Variants in CLTC observed in about 807,000 individuals in gnomAD.
The protein encoded by CLTC is clathrin heavy chain 1.
Under a neutral mutation model 195.8 loss-of-function variants are expected in CLTC, and 16 were observed. That is an observed-to-expected ratio of 0.08 (90% confidence interval 0.06 to 0.12). The LOEUF is 0.12. Among genes scored for constraint, CLTC ranks in the 10% least tolerant of loss-of-function variants. The pLI is 1.00. For synonymous variants in CLTC, 667 were observed against 689.4 expected, an observed-to-expected ratio of 0.97 and a Z score of 0.51; for missense variants, 796 against 2,027.0, an observed-to-expected ratio of 0.39 and a Z score of 11.66.
At chr17:59,632,853 C>A (rs1046835773) in intron 1 of CLTC, among the ~76,000 whole-genome samples, 12 of 152,092 alleles carry the variant, frequency 7.9e-5, no homozygotes, top group African/African-American at 2.9e-4. Flanking sequence ...AGCCTAAAAC[C>A]TGTTTTTTCT....
chr17:59,696,738 C>T lies in CLTC; in HGVS notation c.*2886C>T. 1 of 207,168 alleles carries T rather than the reference C, an allele frequency of 4.8e-6. No homozygotes were observed. The highest frequency in any genetic ancestry group is 9.9e-6 in the Non-Finnish European group (1 of 101,490). The allele number at this position is 207,168 out of a possible 1,614,324, so 12.8% of individuals were successfully genotyped here. On this transcript the variant is annotated 3_prime_UTR_variant, in exon 32 of 32. Coordinates refer to ENST00000269122, the MANE Select transcript of CLTC (RefSeq NM_004859.4). ...GGGATGACAAACTACGTTCACTTTA[C>T]AGTTACCATAAATTCTTACTTGGGC...
At chr17:59,667,966 G>A (rs1160669477) in intron 13 of CLTC, among the ~76,000 whole-genome samples, 3 of 152,096 alleles carry the variant, frequency 2.0e-5, no homozygotes, top group Admixed American at 6.6e-5. Flanking sequence ...TGTTAACTGT[G>A]CACTAAATTT....
intron 1 of CLTC, among the ~76,000 whole-genome samples, chr17:59,632,965 T>A (rs1274174303): frequency 6.6e-6 from 1 of 152,098 alleles, no homozygotes; most frequent in Non-Finnish European, 1.5e-5. Flanking sequence ...AAATATTGAG[T>A]TTGTGTTAAG....
Position 59,681,204 on chromosome 17 carries a change from G to A in CLTC, c.3066-91G>A, listed in dbSNP as rs774682082. On this transcript the variant is annotated intron_variant, in intron 19 of 31. Coordinates refer to ENST00000269122, the MANE Select transcript of CLTC (RefSeq NM_004859.4). This position sits in a 1 kb window ranked among gnomAD's most constrained non-coding sequence, Gnocchi z 5.0. ...TCCTCCCCCCTACCCTACCTCTTGA[G>A]ACAAAAACCTCTCCGTTAGTCACAG... 1.5e-5 allele frequency: 22 copies of A among 1,468,906 alleles called. No homozygotes were observed. The highest frequency in any genetic ancestry group is 1.9e-5 in the Non-Finnish European group (21 of 1,083,240). The allele number at this position is 1,468,906 out of a possible 1,614,324, so 91.0% of individuals were successfully genotyped here.
chr17:59,641,290 A>G (rs1002051091), intron 1 of CLTC, among the ~76,000 whole-genome samples: 1 of 152,000 alleles, frequency 6.6e-6, no homozygotes, highest in Admixed American at 6.6e-5. Context: ...GGAGAGAGGA[A>G]AAGAAGGAAT....
chr17:59,646,596 A>G (rs2032200996), intron 2 of CLTC, among the ~76,000 whole-genome samples: 1 of 152,182 alleles, frequency 6.6e-6, no homozygotes, highest in Non-Finnish European at 1.5e-5. Context: ...TTTGGCCTCT[A>G]TTAATTTATA....
In CLTC at chr17:59,634,920, G is replaced by A. The variant is rs116696717; in HGVS notation, c.43-9356G>A. ...ACTGCTGTCAGCATCTTTTTTCACC[G>A]CGACTGATACTAGAGAAGGTAGAGG... On this transcript the variant is annotated intron_variant, in intron 1 of 31. Coordinates refer to ENST00000269122, the MANE Select transcript of CLTC (RefSeq NM_004859.4). 1.2e-3 allele frequency among the ~76,000 whole-genome samples: 176 copies of A among 152,278 alleles called. 2 individuals carry two copies. Among genetic ancestry groups the A allele is most frequent in the Middle Eastern group, 6.8e-3 (2 of 294 alleles).
rs747671478 is a variant in CLTC, at chr17:59,679,449, G to A, written c.2849G>A (p.Arg950Gln). 1 of 1,609,458 alleles carries A rather than the reference G, an allele frequency of 6.2e-7. No homozygotes were observed. Residue 950 changes from arginine to glutamine, a missense_variant, in exon 18 of 32, where the codon CGA (arginine) becomes CAA (glutamine). Transcript: ENST00000269122. ...AGTCTTTCTCGCTACCTGGTACGTC[G>A]AAAGGATCCAGAATTGTGGGGCAGC... ...FKSLSRYLVRRKDPELWGSVL... is the reference protein window; with the variant it reads ...FKSLSRYLVRQKDPELWGSVL...
chr17:59,695,801 C>G lies in CLTC; in HGVS notation c.*1949C>G. 1 of 192,374 alleles carries G rather than the reference C, an allele frequency of 5.2e-6. No individual in the cohort carries two copies. Among genetic ancestry groups the G allele is most frequent in the Non-Finnish European group, 1.1e-5 (1 of 92,324 alleles). 11.9% of individuals were successfully genotyped at this position (192,374 alleles called of 1,614,324 possible). A position where few individuals can be genotyped will look rare whatever the true frequency, so the allele number is the denominator to read the frequency against. On this transcript the variant is annotated 3_prime_UTR_variant, in exon 32 of 32. Coordinates refer to ENST00000269122, the MANE Select transcript of CLTC (RefSeq NM_004859.4). Reference sequence around the variant, plus strand: ...GTGCCATCAGTTTTCCCCACCACTGCTTTTGCACCCTCAGTGCAAATATCA... The same window carrying G: ...GTGCCATCAGTTTTCCCCACCACTGGTTTTGCACCCTCAGTGCAAATATCA...
intron 30 of CLTC, 39 bp from the exon 31 acceptor site, chr17:59,690,597 C>T (rs1484889293): frequency 6.9e-7 from 1 of 1,455,074 alleles, no homozygotes. Flanking sequence ...GTTTATAATA[C>T]TTTTGGGGTG....
Position 59,695,735 on chromosome 17 carries a change from A to G in CLTC, c.*1883A>G, listed in dbSNP as rs73333004. 3,193 of 193,270 alleles carry G rather than the reference A, an allele frequency of 0.017. 98 individuals carry two copies. The highest frequency in any genetic ancestry group is 0.069 in the African/African-American group (2,966 of 43,210). 12.0% of individuals were successfully genotyped at this position (193,270 alleles called of 1,614,324 possible). On this transcript the variant is annotated 3_prime_UTR_variant, in exon 32 of 32. Coordinates refer to ENST00000269122, the MANE Select transcript of CLTC (RefSeq NM_004859.4). Reference sequence around the variant, plus strand: ...AAAGTGTTTAATGTGAGTGCAGGTCAGTGAAGAATACAATGGTGCCCCTGC... The same window carrying G: ...AAAGTGTTTAATGTGAGTGCAGGTCGGTGAAGAATACAATGGTGCCCCTGC...
intron 1 of CLTC, among the ~76,000 whole-genome samples, chr17:59,628,822 C>G (rs959615138): frequency 6.6e-6 from 1 of 152,048 alleles, no homozygotes; most frequent in African/African-American, 2.4e-5. Flanking sequence ...CCAGGCCTGG[C>G]GAATTTTTTT....
intron 1 of CLTC, among the ~76,000 whole-genome samples, chr17:59,643,918 A>G (rs747477972): frequency 6.6e-6 from 1 of 152,256 alleles, no homozygotes; most frequent in East Asian, 1.9e-4. Flanking sequence ...TAACTGCTAC[A>G]TGTTAAGGGG....
intron 31 of CLTC, 108 bp from the exon 32 acceptor site, chr17:59,693,620 T>G: frequency 1.3e-3 from 1,597 of 1,248,346 alleles, no homozygotes; most frequent in Non-Finnish European, 1.6e-3. Context: ...CATTTGAGGT[T>G]GAGATTATGT....
At chr17:59,653,776 G>GTT (rs2032391670) in intron 5 of CLTC, among the ~76,000 whole-genome samples, 1 of 151,124 alleles carries the variant, frequency 6.6e-6, no homozygotes, top group Non-Finnish European at 1.5e-5. Context: ...GCCCTGGCTG[G>GTT]TCTTTTTTTT....
At chr17:59,651,154 C>A (rs1004708533) in intron 4 of CLTC, 49 bp from the exon 5 acceptor site, 4 of 1,137,040 alleles carry the variant, frequency 3.5e-6, no homozygotes, top group Admixed American at 3.9e-5. Context: ...CTGCTGTGAT[C>A]AACTGCTAAT....
chr17:59,664,123 A>T, intron 9 of CLTC, 129 bp downstream of exon 9: 1 of 780,680 alleles, frequency 1.3e-6, no homozygotes, highest in Non-Finnish European at 1.9e-6. Context: ...AAATGTATAA[A>T]AATTCTCTTA....
At chr17:59,655,715 TTAAA>T (rs1436152853) in intron 5 of CLTC, 135 bp from the exon 6 acceptor site, 21 of 615,450 alleles carry the variant, frequency 3.4e-5, no homozygotes, top group Non-Finnish European at 5.2e-5. Flanking sequence ...GAAGGAAACT[TTAAA>T]TATTAGCTTA....
rs1463586016 is a variant in CLTC at position 59,648,518 on chromosome 17, A to G, written c.681+117A>G. On this transcript the variant is annotated intron_variant, in intron 4 of 31. Coordinates refer to ENST00000269122, the MANE Select transcript of CLTC (RefSeq NM_004859.4). This position sits in a 1 kb window ranked among gnomAD's most constrained non-coding sequence, Gnocchi z 4.5. ...CTTCCTAAGTAATTTTAGTATTCAC[A>G]TTTGTGGTGACTTAATTTGTTCAAA... The G allele has an allele frequency of 1.7e-5, 17 of 988,314 alleles. No individual in the cohort carries two copies. In the Admixed American group the frequency reaches 4.2e-4, roughly 24 times the overall value. 61.2% of individuals were successfully genotyped at this position (988,314 alleles called of 1,614,324 possible).
Sources: allele counts gnomAD v4.1 joint callset (sites outside exome capture counted in the v4.1 genomes callset), GRCh38; gene constraint gnomAD v4.1.1; non-coding constraint Gnocchi (gnomAD v3.1); transcripts MANE v1.5; gene names NCBI Gene and HGNC (gene_info 2026-07-23, HGNC 2026-07-21).